Variants in AOX1 observed in about 807,000 individuals in gnomAD.
AOX1 encodes the protein aldehyde oxidase.
Under a neutral mutation model 169.5 loss-of-function variants are expected in AOX1, and 153 were observed. That is an observed-to-expected ratio of 0.90 (90% CI 0.79 to 1.03). The LOEUF (loss-of-function observed/expected upper bound fraction) is 1.03, where lower values mean the gene tolerates loss of function less well. Ranked by LOEUF, AOX1 falls within the 50% of genes least tolerant of loss-of-function variation. AOX1 has a pLI of 0.00. For synonymous variants in AOX1, 562 were observed against 581.9 expected (o/e 0.97, Z 0.49); for missense variants, 1,656 against 1,663.9 (o/e 1.00, Z 0.08).
chr2:200,654,980 G>A (rs2035653610), intron 26 of AOX1, among the ~76,000 whole-genome samples: 1 of 152,164 alleles, frequency 6.6e-6, no homozygotes, highest in African/African-American at 2.4e-5. Context: ...CATACAGGCT[G>A]AATGCTATAA....
intron 31 of AOX1, among the ~76,000 whole-genome samples, chr2:200,663,575 C>CTG (rs1553579788): frequency 9.8e-6 from 1 of 102,016 alleles, no homozygotes; most frequent in African/African-American, 3.9e-5. Context: ...CACACACACT[C>CTG]TCTCTCTCTC....
At chr2:200,588,764 CTG>C (rs1032518879) in intron 1 of AOX1, among the ~76,000 whole-genome samples, 3 of 43,434 alleles carry the variant, frequency 6.9e-5, no homozygotes, top group Admixed American at 4.4e-4. Context: ...GAGTCTCACT[CTG>C]TTGCCTCCTG....
At chr2:200,664,749 G>A (rs939410898) in intron 31 of AOX1, among the ~76,000 whole-genome samples, 1 of 152,178 alleles carries the variant, frequency 6.6e-6, no homozygotes, top group Non-Finnish European at 1.5e-5. Flanking sequence ...TTCTCCTGTT[G>A]ATAGACTTGC....
intron 21 of AOX1, among the ~76,000 whole-genome samples, chr2:200,636,554 A>AAT (rs1248695986): frequency 2.0e-5 from 3 of 152,202 alleles, no homozygotes; most frequent in African/African-American, 7.2e-5. Context: ...GTGTGAATAG[A>AAT]ATACTTTAGG....
intron 25 of AOX1, among the ~76,000 whole-genome samples, chr2:200,645,007 T>A (rs904800112): frequency 6.6e-6 from 1 of 152,202 alleles, no homozygotes; most frequent in African/African-American, 2.4e-5. Flanking sequence ...ACGGTTTGAC[T>A]TCTCTTTACC....
chr2:200,614,524 T>A (rs1384730537), intron 15 of AOX1, among the ~76,000 whole-genome samples: 1 of 152,124 alleles, frequency 6.6e-6, no homozygotes, highest in Non-Finnish European at 1.5e-5. Context: ...TTGCCTGGTC[T>A]CTCTTAGGGC....
chr2:200,618,660 T>C (rs539777541), intron 16 of AOX1, among the ~76,000 whole-genome samples: 29 of 152,008 alleles, frequency 1.9e-4, no homozygotes, highest in African/African-American at 7.0e-4. Flanking sequence ...CAGCCAGAGG[T>C]TTTTTGTTTT....
Position 200,612,788 on chromosome 2 carries a change from T to A in AOX1, c.1443T>A (p.Ile481=). 1 of 1,613,602 alleles carries A rather than the reference T, an allele frequency of 6.2e-7. No individual in the cohort carries two copies. The highest frequency in any genetic ancestry group is 8.5e-7 in the Non-Finnish European group (1 of 1,179,702). The change falls in exon 14 of 35, where the codon ATT becomes ATA. Residue 481 remains isoleucine, a synonymous_variant. Coordinates refer to ENST00000374700, the MANE Select transcript of AOX1 (RefSeq NM_001159.4). Reference sequence around the variant, plus strand: ...CCAAGAATTCCTGCCAGAAACTCATTGGAAGGTAAGGCATTAGAAGTAAGG... The same window carrying A: ...CCAAGAATTCCTGCCAGAAACTCATAGGAAGGTAAGGCATTAGAAGTAAGG... ...ICAKNSCQKL[I]GRHWNEQMLD... is the part of the protein sequence containing the mutation.
chr2:200,639,289 T>C (rs1268599729), intron 23 of AOX1, among the ~76,000 whole-genome samples: 1 of 152,156 alleles, frequency 6.6e-6, no homozygotes, highest in African/African-American at 2.4e-5. Context: ...GAAGAGAGCA[T>C]GGAGTGTCAC....
At chr2:200,653,587 G>A (rs566565819) in intron 26 of AOX1, among the ~76,000 whole-genome samples, 103 of 152,324 alleles carry the variant, frequency 6.8e-4, no homozygotes, top group African/African-American at 2.0e-3. Context: ...CTTCAGCACC[G>A]CCTTCATCGT....
chr2:200,665,304 T>C (rs769852194), intron 31 of AOX1, among the ~76,000 whole-genome samples: 1 of 152,204 alleles, frequency 6.6e-6, no homozygotes, highest in Non-Finnish European at 1.5e-5. Context: ...AGACTACATA[T>C]GGATGTGAAT....
chr2:200,657,689 A>G (rs1220190269), intron 27 of AOX1, among the ~76,000 whole-genome samples: 1 of 152,196 alleles, frequency 6.6e-6, no homozygotes, highest in Non-Finnish European at 1.5e-5. Context: ...TTTGATATTT[A>G]CAGTCAAACT....
chr2:200,634,206 G>A (rs2035184109), intron 20 of AOX1, among the ~76,000 whole-genome samples: 1 of 101,042 alleles, frequency 9.9e-6, no homozygotes, highest in Non-Finnish European at 1.9e-5. Context: ...GCCTGTTGGA[G>A]TTTTTAGATT....
At position 200,656,042 on chromosome 2, in the gene AOX1, T is replaced by C. The variant is rs534862886; in HGVS notation, c.3076-800T>C. ...ATGTCACTCTGCCTAAAAAATTAGATGTGAAGAAACCTAGCTGACCCAGAC... is the reference window on the plus strand; with the variant it reads ...ATGTCACTCTGCCTAAAAAATTAGACGTGAAGAAACCTAGCTGACCCAGAC... On this transcript the variant is annotated intron_variant, in intron 26 of 34. Coordinates refer to ENST00000374700, the MANE Select transcript of AOX1 (RefSeq NM_001159.4). 2.6e-5 allele frequency among the ~76,000 whole-genome samples: 4 copies of C among 152,340 alleles called. No individual in the cohort carries two copies. The South Asian group carries it at 8.3e-4, about 32-fold the overall frequency.
Position 200,623,843 on chromosome 2 carries a change from G to C in AOX1, c.2002-18G>C. On this transcript the variant is annotated intron_variant, in intron 18 of 34. Transcript: ENST00000374700. ...GATGCCTGCCCTCCTTGACAACAAA[G>C]GTCTTTCTGTGTCGTAGGTGTTCTG... 6.2e-7 allele frequency: 1 copy of C among 1,613,292 alleles called. No individual in the cohort carries two copies. Among genetic ancestry groups the C allele is most frequent in the Non-Finnish European group, 8.5e-7 (1 of 1,179,872 alleles).
intron 15 of AOX1, among the ~76,000 whole-genome samples, 193 bp from the exon 16 acceptor site, chr2:200,615,778 A>G (rs1163170120): frequency 6.6e-6 from 1 of 152,206 alleles, no homozygotes; most frequent in Non-Finnish European, 1.5e-5. Context: ...GGAAATATGT[A>G]TGCACCTTTC....
Position 200,641,139 on chromosome 2 carries a change from G to A in AOX1, c.2610G>A (p.Met870Ile), listed in dbSNP as rs2035344209. 1.2e-6 allele frequency: 2 copies of A among 1,613,348 alleles called. No individual in the cohort carries two copies. Among genetic ancestry groups the A allele is most frequent in the Admixed American group, 1.7e-5 (1 of 60,000 alleles). The change falls in exon 24 of 35, where the codon ATG becomes ATA. Residue 870 changes from methionine (M) to isoleucine (I), a missense_variant. Coordinates refer to ENST00000374700, the MANE Select transcript of AOX1 (RefSeq NM_001159.4). ...ATGGCAGAATCTTGGCCCTGGACATGGAGCATTACAGCAATGCAGGCGCCT... is the reference window on the plus strand; with the variant it reads ...ATGGCAGAATCTTGGCCCTGGACATAGAGCATTACAGCAATGCAGGCGCCT... Reference protein sequence around the residue: ...MNDGRILALDMEHYSNAGASL... With the variant: ...MNDGRILALDIEHYSNAGASL...
At chr2:200,612,859 T>A in intron 14 of AOX1, 66 bp downstream of exon 14, 330 of 1,214,706 alleles carry the variant, frequency 2.7e-4, no homozygotes, top group Non-Finnish European at 3.5e-4. Context: ...AGAGGAGCCC[T>A]TTTTGTGGTG....
chr2:200,635,036 C>G, intron 21 of AOX1, 121 bp downstream of exon 21: 1 of 1,249,098 alleles, frequency 8.0e-7, no homozygotes, highest in Non-Finnish European at 1.1e-6. Flanking sequence ...TGCTTGAACC[C>G]AGGAGCTCAA....
Sources: allele counts gnomAD v4.1 joint callset (sites outside exome capture counted in the v4.1 genomes callset), GRCh38; gene constraint gnomAD v4.1.1; transcripts MANE v1.5; gene names NCBI Gene and HGNC (gene_info 2026-07-23, HGNC 2026-07-21).